Variants in EXD3 observed in about 807,000 individuals in gnomAD.
The protein encoded by EXD3 is exonuclease 3'-5' domain containing 3, also known as exonuclease mut-7 homolog.
EXD3 carries 92 observed loss-of-function variants against 98.0 expected under a neutral mutation model. The observed-to-expected ratio is 0.94, with a 90% CI of 0.79 to 1.12. The LOEUF is 1.12. EXD3 is among the 50% of genes most tolerant of loss of function. EXD3 has a pLI of 0.00. For synonymous variants in EXD3, 569 were observed against 526.0 expected, an observed-to-expected ratio of 1.08 and a Z score of -1.12; for missense variants, 1,222 against 1,191.6, an observed-to-expected ratio of 1.03 and a Z score of -0.38.
chr9:137,410,748 G>A (rs535362191), intron 1 of EXD3, among the ~76,000 whole-genome samples: 5 of 152,266 alleles, frequency 3.3e-5, no homozygotes, highest in Admixed American at 6.5e-5. Context: ...GGTGACCCAC[G>A]GGGGACGTGC....
At chr9:137,417,321 AC>A (rs1413930846) in intron 1 of EXD3, among the ~76,000 whole-genome samples, 2 of 152,048 alleles carry the variant, frequency 1.3e-5, no homozygotes, top group Non-Finnish European at 2.9e-5. Flanking sequence ...AGCACAGCAC[AC>A]CCCGGCAGCG....
rs531219143 is a variant in EXD3 at position 137,373,416 on chromosome 9, A to G, written c.294+10T>C. On this transcript the variant is annotated intron_variant, in intron 4 of 21. Transcript: ENST00000340951. The stretch of plus-strand genomic sequence containing the variant: ...AAGGGAGGTGACTGTCACAGAACCC[A>G]TGGGCTCACCTGGGCCAGGCTCGGG... 4.4e-6 allele frequency: 7 copies of G among 1,604,466 alleles called. No homozygotes were observed. The highest frequency in any genetic ancestry group is 4.5e-5 in the East Asian group (2 of 44,842).
chr9:137,389,039 C>G (rs114713389), intron 2 of EXD3, among the ~76,000 whole-genome samples: 1 of 152,192 alleles, frequency 6.6e-6, no homozygotes, highest in African/African-American at 2.4e-5. Context: ...CCACCCACCA[C>G]GCACTGGGGC....
intron 19 of EXD3, among the ~76,000 whole-genome samples, chr9:137,321,766 C>A (rs571736789): frequency 6.6e-6 from 1 of 152,208 alleles, no homozygotes; most frequent in Non-Finnish European, 1.5e-5. Context: ...TGATGTGGCC[C>A]TAACTGCGGA....
chr9:137,357,844 G>A (rs966815005), intron 7 of EXD3, among the ~76,000 whole-genome samples: 4 of 151,902 alleles, frequency 2.6e-5, no homozygotes, highest in African/African-American at 9.7e-5. Context: ...GAGCCAGCCC[G>A]AGTCTCAAAG....
intron 19 of EXD3, among the ~76,000 whole-genome samples, chr9:137,320,490 C>T (rs527410441): frequency 1.4e-4 from 21 of 152,334 alleles, no homozygotes; most frequent in African/African-American, 2.2e-4. Context: ...CTGGGCCTGG[C>T]GCTCCTGCTT....
At position 137,349,277 on chromosome 9, in the gene EXD3, C is replaced by T. The variant is rs200080727; in HGVS notation, c.1663G>A (p.Asp555Asn). 4,734 of 1,564,722 alleles carry T rather than the reference C, an allele frequency of 3.0e-3. 12 individuals are homozygous for T. The highest frequency in any genetic ancestry group is 3.7e-3 in the Non-Finnish European group (4,344 of 1,161,590). ...TGCACCTCCAGCAGGCAGTAGGCGT[C>T]GGCAGCTGTGTGGGGAGTCGGCCTC... ...CEEQVIYAAA[D>N]AYCLLEVHQA... The change falls in exon 16 of 22, where the codon GAC (aspartate) becomes AAC (asparagine). Residue 555 changes from aspartate (D) to asparagine (N), a missense_variant. Asp to Asn is a conservative substitution (Grantham distance 23). Coordinates refer to ENST00000340951, the MANE Select transcript of EXD3 (RefSeq NM_017820.5). This position sits in a 1 kb window ranked among gnomAD's most constrained non-coding sequence, Gnocchi z 7.4.
At chr9:137,373,178 C>G in intron 4 of EXD3, 106 bp from the exon 5 acceptor site, 1 of 1,350,976 alleles carries the variant, frequency 7.4e-7, no homozygotes, top group Non-Finnish European at 1.0e-6. Flanking sequence ...CCACTGTGGC[C>G]ATGTGTGGGC....
chr9:137,337,641 A>G (rs1833429350), intron 17 of EXD3, among the ~76,000 whole-genome samples: 1 of 150,934 alleles, frequency 6.6e-6, no homozygotes, highest in African/African-American at 2.4e-5. Flanking sequence ...ACAGAGCGAG[A>G]TTTCTTCTCA....
chr9:137,401,152 CTTT>C (rs34114761), intron 1 of EXD3, among the ~76,000 whole-genome samples: 8 of 108,318 alleles, frequency 7.4e-5, no homozygotes, highest in African/African-American at 1.1e-4. Flanking sequence ...CACCCATTTC[CTTT>C]TTTTTTTTTT....
At chr9:137,406,471 G>C (rs1033935913) in intron 1 of EXD3, among the ~76,000 whole-genome samples, 1 of 152,100 alleles carries the variant, frequency 6.6e-6, no homozygotes, top group Non-Finnish European at 1.5e-5. Flanking sequence ...ACAGGAGGCC[G>C]CTCCACCTCT....
Position 137,323,923 on chromosome 9 carries a change from C to A in EXD3, c.2053-67G>T. 3 of 1,542,730 alleles carry A rather than the reference C, an allele frequency of 1.9e-6. No homozygotes were observed. In the South Asian group the frequency reaches 3.6e-5, roughly 18 times the overall value. ...CCAGCACCTGCCCAGGCCCAGCCCG[C>A]CTCCGCCAGCATGGGGCAGGAGCCT... On this transcript the variant is annotated intron_variant, in intron 18 of 21. Coordinates refer to ENST00000340951, the MANE Select transcript of EXD3 (RefSeq NM_017820.5).
intron 20 of EXD3, among the ~76,000 whole-genome samples, chr9:137,308,161 T>A (rs1831148895): frequency 6.6e-6 from 1 of 152,056 alleles, no homozygotes; most frequent in Non-Finnish European, 1.5e-5. Flanking sequence ...AGGGCCGGTA[T>A]CCACTCAGGG....
At chr9:137,334,584 C>G (rs1242865053) in intron 17 of EXD3, among the ~76,000 whole-genome samples, 2 of 151,986 alleles carry the variant, frequency 1.3e-5, no homozygotes, top group Non-Finnish European at 2.9e-5. Context: ...AAACCCAGCT[C>G]AAGATGGATG....
chr9:137,355,064 G>A (rs568484227), intron 8 of EXD3, among the ~76,000 whole-genome samples: 8 of 152,284 alleles, frequency 5.3e-5, no homozygotes, highest in South Asian at 2.1e-4. Context: ...CCTTCTTGGC[G>A]TTGGCATCTG....
intron 1 of EXD3, among the ~76,000 whole-genome samples, chr9:137,418,605 C>G (rs555150366): frequency 6.6e-6 from 1 of 152,154 alleles, no homozygotes; most frequent in East Asian, 1.9e-4. Flanking sequence ...ATTAGGGTCA[C>G]GAAGTTAACA....
At chr9:137,350,148 C>T (rs538780871) in intron 14 of EXD3, among the ~76,000 whole-genome samples, 3 of 34,848 alleles carry the variant, frequency 8.6e-5, no homozygotes, top group Non-Finnish European at 1.5e-4. Context: ...GTGGGGATCA[C>T]GGGGAAGGTT....
chr9:137,360,406 A>G lies in EXD3; in HGVS notation c.657-4038T>C, dbSNP rs1483759449. On this transcript the variant is annotated intron_variant, in intron 7 of 21. Coordinates refer to ENST00000340951, the MANE Select transcript of EXD3 (RefSeq NM_017820.5). ...TGACGTCCAGAAGGTATTAAGTCAA[A>G]TTTGTCAATCTTCTTCTGTTATTCT... Among the ~76,000 whole-genome samples, 3 of 78,898 alleles carry G rather than the reference A, an allele frequency of 3.8e-5. 1 individual carries two copies. Among genetic ancestry groups the G allele is most frequent in the African/African-American group, 1.1e-4 (3 of 26,656 alleles). The allele number at this position is 78,898 out of a possible 152,430, so 51.8% of individuals were successfully genotyped here. A position where few individuals can be genotyped will look rare whatever the true frequency, so the allele number is the denominator to read the frequency against.
Position 137,356,518 on chromosome 9 carries a change from C to T in EXD3, c.657-150G>A, listed in dbSNP as rs565740689. 6.6e-6 allele frequency: 4 copies of T among 603,548 alleles called. No homozygotes were observed. The East Asian group carries it at 8.4e-5, about 13-fold the overall frequency. The allele number at this position is 603,548 out of a possible 1,614,324, so 37.4% of individuals were successfully genotyped here. A position where few individuals can be genotyped will look rare whatever the true frequency, so the allele number is the denominator to read the frequency against. ...AGGCGTCACCGCCCCCCGCCCACCC[C>T]ATCCTTAGCACTTGGAGGTCGACAT... is the stretch of plus-strand genomic sequence containing the variant. On this transcript the variant is annotated intron_variant, in intron 7 of 21. Transcript: ENST00000340951.
Sources: gnomAD v4.1 joint callset for allele counts (sites outside exome capture counted in the v4.1 genomes callset) on GRCh38, gnomAD v4.1.1 for gene constraint, Gnocchi (gnomAD v3.1) non-coding constraint, MANE v1.5 for transcripts, NCBI Gene and HGNC (gene_info 2026-07-23, HGNC 2026-07-21) for gene names.